The following FHIP2B variants were observed in gnomAD, a reference collection of about 807,000 sequenced individuals.
FHIP2B encodes the protein FHF complex subunit HOOK-interacting protein 2B.
In FHIP2B, 72 loss-of-function variants were observed where a neutral mutation model predicts 84.0. The ratio of observed to expected loss-of-function variants is 0.86; its 90% CI spans 0.71 to 1.04. The LOEUF (loss-of-function observed/expected upper bound fraction) is 1.04, where lower values mean the gene tolerates loss of function less well. FHIP2B is among the 50% of genes least tolerant of loss of function. The pLI is 0.00. For missense variants in FHIP2B, 972 were observed against 968.9 expected (o/e 1.00, Z -0.04); for synonymous variants, 497 against 418.7 (o/e 1.19, Z -2.28).
Position 22,091,571 on chromosome 8 carries a change from T to C in FHIP2B, c.45+2273T>C, listed in dbSNP as rs564241125. Among the ~76,000 whole-genome samples the C allele has an allele frequency of 2.4e-4, 37 of 152,214 alleles. 2 individuals carry two copies. The highest frequency in any genetic ancestry group is 1.2e-3 in the South Asian group (6 of 4,824). ...CACTAATAATATCGTTAAAGAGAAA[T>C]TGTTGGGTCTAGTGCCTTTGGTTTG... On this transcript the variant is annotated intron_variant, in intron 1 of 16. Coordinates refer to ENST00000289921, the MANE Select transcript of FHIP2B (RefSeq NM_022749.7).
intron 11 of FHIP2B, 22 bp downstream of exon 11, chr8:22,100,761 T>G (rs1156647807): frequency 5.0e-6 from 8 of 1,606,940 alleles, no homozygotes; most frequent in Non-Finnish European, 6.0e-6. Context: ...CGGCGCCCTT[T>G]GGACTCAGCC....
rs931696252 is a variant in FHIP2B at position 22,089,236 on chromosome 8, C to T, written c.-18C>T. The T allele has an allele frequency of 3.8e-6, 4 of 1,059,374 alleles. No homozygotes were observed. Among genetic ancestry groups the T allele is most frequent in the African/African-American group, 1.7e-5 (1 of 58,480 alleles). 65.6% of individuals were successfully genotyped at this position (1,059,374 alleles called of 1,614,324 possible). A position where few individuals can be genotyped will look rare whatever the true frequency, so the allele number is the denominator to read the frequency against. ...GCCGCCGCCGCTTTCGCCCGGGAGCCGGGGGCCGGGCGCCATCATGCTGAG... is the reference window on the plus strand; with the variant it reads ...GCCGCCGCCGCTTTCGCCCGGGAGCTGGGGGCCGGGCGCCATCATGCTGAG... On this transcript the variant is annotated 5_prime_UTR_variant, in exon 1 of 17. Transcript: ENST00000289921.
At chr8:22,100,089 C>T in intron 10 of FHIP2B, 196 bp downstream of exon 10, 2 of 559,310 alleles carry the variant, frequency 3.6e-6, no homozygotes, top group Non-Finnish European at 5.9e-6. Flanking sequence ...TTTAAAGAGA[C>T]AGGGTATTGC....
In FHIP2B at chr8:22,099,591, G is replaced by T. The variant is rs566430758; in HGVS notation, c.1152-113G>T. 8.6e-5 allele frequency: 113 copies of T among 1,314,776 alleles called. No individual in the cohort carries two copies. In the East Asian group the frequency reaches 2.4e-3, roughly 28 times the overall value. 81.4% of individuals were successfully genotyped at this position (1,314,776 alleles called of 1,614,324 possible). ...GCAGGACCTCAGCAGGGATGGGCAA[G>T]TGACCACAGACATACCAGCCAAACA... On this transcript the variant is annotated intron_variant, in intron 9 of 16. Coordinates refer to ENST00000289921, the MANE Select transcript of FHIP2B (RefSeq NM_022749.7).
At chr8:22,096,090 C>G in intron 2 of FHIP2B, 2 of 425,384 alleles carry the variant, frequency 4.7e-6, no homozygotes, top group South Asian at 7.1e-5. Context: ...ATGCTGCTGC[C>G]CCCTGATAAA....
At chr8:22,095,922 C>G (rs1825743063) in intron 2 of FHIP2B, 1 of 155,756 alleles carries the variant, frequency 6.4e-6, no homozygotes, top group South Asian at 2.0e-4. Context: ...CCAGGAGGTT[C>G]TCTCTCAGGC....
At chr8:22,100,765 C>T (rs1238934536) in intron 11 of FHIP2B, 26 bp downstream of exon 11, 1 of 1,606,882 alleles carries the variant, frequency 6.2e-7, no homozygotes, top group African/African-American at 1.3e-5. Context: ...GCCCTTTGGA[C>T]TCAGCCCAGC....
intron 5 of FHIP2B, 109 bp downstream of exon 5, chr8:22,097,948 C>A: frequency 6.5e-7 from 1 of 1,546,664 alleles, no homozygotes; most frequent in South Asian, 1.2e-5. Flanking sequence ...GGGAGGCACG[C>A]AGGCAGCTTC....
Position 22,093,250 on chromosome 8 carries a change from G to A in FHIP2B, c.46-1190G>A, listed in dbSNP as rs189226050. Among the ~76,000 whole-genome samples the A allele has an allele frequency of 7.2e-5, 11 of 152,332 alleles. No individual in the cohort carries two copies. The East Asian group carries it at 1.5e-3, about 21-fold the overall frequency. ...CCTAGAGGCAGAAATGCACAGCTGT[G>A]GGGAGGGATGATTAGAATTCTTTTT... On this transcript the variant is annotated intron_variant, in intron 1 of 16. Transcript: ENST00000289921.
At chr8:22,097,950 G>A (rs1220153907) in intron 5 of FHIP2B, 111 bp downstream of exon 5, 10 of 1,546,630 alleles carry the variant, frequency 6.5e-6, no homozygotes, top group Non-Finnish European at 8.7e-6. Flanking sequence ...GAGGCACGCA[G>A]GCAGCTTCCC....
chr8:22,096,469 A>T lies in FHIP2B; in HGVS notation c.257A>T (p.His86Leu). ...CCCTGCCTGGAGTACCTGCTGCAGC[A>T]CAAGATCCTGGAGACTCTCTGCACG... ...AGPCLEYLLQ[H>L]KILETLCTLG... The change falls in exon 3 of 17, where the codon CAC becomes CTC. Residue 86 changes from histidine (H) to leucine (L), a missense_variant. Transcript: ENST00000289921. 6.4e-7 allele frequency: 1 copy of T among 1,554,728 alleles called. No homozygotes were observed. The highest frequency in any genetic ancestry group is 1.4e-5 in the African/African-American group (1 of 73,398).
intron 2 of FHIP2B, chr8:22,094,780 T>C: frequency 7.8e-7 from 1 of 1,278,236 alleles, no homozygotes; most frequent in Non-Finnish European, 9.9e-7. Flanking sequence ...GTTGGGGGTC[T>C]CACTGGCCTG....
chr8:22,095,370 C>T (rs1251340935), intron 2 of FHIP2B: 1 of 152,264 alleles, frequency 6.6e-6, no homozygotes, highest in East Asian at 1.9e-4. Flanking sequence ...GGATGTGCAG[C>T]AGTAATTCTG....
chr8:22,101,005 G>T, intron 12 of FHIP2B, 33 bp downstream of exon 12: 1 of 1,596,596 alleles, frequency 6.3e-7, no homozygotes, highest in South Asian at 1.1e-5. Flanking sequence ...TGAACCACTT[G>T]AGTTTTATTT....
chr8:22,091,172 T>A (rs1240601853), intron 1 of FHIP2B, among the ~76,000 whole-genome samples: 1 of 151,824 alleles, frequency 6.6e-6, no homozygotes, highest in African/African-American at 2.4e-5. Flanking sequence ...GTCAACTGAT[T>A]ACTCATTGAG....
chr8:22,096,944 C>G (rs546164078), intron 3 of FHIP2B: 1 of 169,778 alleles, frequency 5.9e-6, no homozygotes, highest in African/African-American at 2.4e-5. Flanking sequence ...CGTGGGAGGC[C>G]GAGGTGGGTG....
intron 4 of FHIP2B, 44 bp downstream of exon 4, chr8:22,097,664 C>T (rs367901523): frequency 6.2e-7 from 1 of 1,605,982 alleles, no homozygotes; most frequent in East Asian, 2.2e-5. Context: ...GTGAGGCCCC[C>T]TCTCTCCCCT....
At chr8:22,096,223 C>T in intron 2 of FHIP2B, 114 bp from the exon 3 acceptor site, 2 of 1,049,290 alleles carry the variant, frequency 1.9e-6, no homozygotes, top group Admixed American at 3.2e-5. Context: ...CTGTCTTCCC[C>T]CACCTCTCCC....
chr8:22,095,963 T>C (rs966916287), intron 2 of FHIP2B: 4 of 166,274 alleles, frequency 2.4e-5, no homozygotes, highest in African/African-American at 9.5e-5. Flanking sequence ...CTAAGTTATG[T>C]GACAAGAGCC....
Sources: allele counts gnomAD v4.1 joint callset (sites outside exome capture counted in the v4.1 genomes callset), GRCh38; gene constraint gnomAD v4.1.1; transcripts MANE v1.5; gene names NCBI Gene and HGNC (gene_info 2026-07-23, HGNC 2026-07-21).